The following BPIFA1 variants were observed in gnomAD, a reference collection of about 807,000 sequenced individuals.
BPIFA1 encodes the protein BPI fold-containing family A member 1.
A neutral mutation model predicts 25.1 loss-of-function variants in BPIFA1; 24 were observed. The ratio of observed to expected loss-of-function variants is 0.96; its 90% CI spans 0.69 to 1.35. The LOEUF is 1.35. Among genes scored for constraint, BPIFA1 ranks in the 40% most tolerant of loss-of-function variants. The pLI, the probability that BPIFA1 is intolerant of heterozygous loss-of-function variation, is 0.00. For missense variants in BPIFA1, 344 were observed against 303.7 expected, an observed-to-expected ratio of 1.13 and a Z score of -0.99; for synonymous variants, 139 against 131.8, an observed-to-expected ratio of 1.05 and a Z score of -0.37.
In BPIFA1 at chr20:33,240,689, A is replaced by AG. The variant is rs398071574; in HGVS notation, c.581+304_581+305insG. On this transcript the variant is annotated intron_variant, in intron 5 of 8. Transcript: ENST00000354297. ...TAGATAGATAGATAGATAGATAGAT[A>AG]AAGTAGTACTTATTCCTTCTTAGAC... Among the ~76,000 whole-genome samples, 599 of 135,136 alleles carry AG rather than the reference A, an allele frequency of 4.4e-3. 8 individuals carry two copies. The highest frequency in any genetic ancestry group is 0.022 in the African/African-American group (577 of 25,718). The allele number at this position is 135,136 out of a possible 152,430, so 88.7% of individuals were successfully genotyped here. A position where few individuals can be genotyped will look rare whatever the true frequency, so the allele number is the denominator to read the frequency against.
chr20:33,237,876 G>C lies in BPIFA1; in HGVS notation c.160+5G>C. The C allele has an allele frequency of 2.6e-6, 4 of 1,567,464 alleles. No homozygotes were observed. Among genetic ancestry groups the C allele is most frequent in the Non-Finnish European group, 3.5e-6 (4 of 1,158,134 alleles). ...TTGCAGGAAGCTTGACAAATGGTGA[G>C]TTTTCAGGGGTGTATGTGTGCATGT... On this transcript the variant is annotated splice_donor_5th_base_variant and intron_variant, in intron 2 of 8. Transcript: ENST00000354297.
chr20:33,238,305 C>T, intron 3 of BPIFA1, 91 bp downstream of exon 3: 1 of 1,411,088 alleles, frequency 7.1e-7, no homozygotes, highest in South Asian at 1.4e-5. Context: ...AAGCAGCGAC[C>T]CTGAAGCAGC....
chr20:33,240,823 C>T (rs1978942591), intron 5 of BPIFA1, among the ~76,000 whole-genome samples: 1 of 152,128 alleles, frequency 6.6e-6, no homozygotes, highest in Non-Finnish European at 1.5e-5. Context: ...CTGGGTAGTG[C>T]TTCTCCAATT....
intron 5 of BPIFA1, 34 bp from the exon 6 acceptor site, chr20:33,241,351 G>T: frequency 6.4e-7 from 1 of 1,572,658 alleles, no homozygotes; most frequent in Non-Finnish European, 8.8e-7. Context: ...ACCATCTCCA[G>T]GTCCCTGCAT....
At chr20:33,239,953 G>A in intron 4 of BPIFA1, 43 bp downstream of exon 4, 1 of 1,564,946 alleles carries the variant, frequency 6.4e-7, no homozygotes, top group Non-Finnish European at 8.8e-7. Flanking sequence ...GCTCACCGAG[G>A]GAGACCCTGG....
chr20:33,243,047 A>G (rs1979061028), intron 8 of BPIFA1, 60 bp from the exon 9 acceptor site: 1 of 162,360 alleles, frequency 6.2e-6, no homozygotes, highest in African/African-American at 2.4e-5. Context: ...CTGGGGCATG[A>G]GTTTGATGAT....
At chr20:33,237,577 ACTAGTGACCCC>A in intron 1 of BPIFA1, 109 bp from the exon 2 acceptor site, 2 of 720,648 alleles carry the variant, frequency 2.8e-6, no homozygotes, top group Non-Finnish European at 4.1e-6. Flanking sequence ...ATTAGCTATT[ACTAGTGACCCC>A]CTGGTGTTCT....
In BPIFA1 at chr20:33,240,392, C is replaced by A. The variant is rs746398403; in HGVS notation, c.581+7C>A. The A allele has an allele frequency of 2.5e-6, 4 of 1,613,402 alleles. No homozygotes were observed. Among genetic ancestry groups the A allele is most frequent in the Non-Finnish European group, 8.5e-7 (1 of 1,179,812 alleles). On this transcript the variant is annotated splice_region_variant and intron_variant, in intron 5 of 8. Coordinates refer to ENST00000354297, the MANE Select transcript of BPIFA1 (RefSeq NM_130852.3). The stretch of plus-strand genomic sequence containing the variant: ...AAATTTCTCTGCTTGATGGGTGAGG[C>A]CAGAGGAGCAGCTTATCCTGCCCAG...
chr20:33,236,880 G>A (rs1299770776), intron 1 of BPIFA1, among the ~76,000 whole-genome samples: 1 of 152,022 alleles, frequency 6.6e-6, no homozygotes, highest in Middle Eastern at 3.2e-3. Flanking sequence ...AGACTTTGAT[G>A]GCCCCAGGAA....
rs1280734925 is a variant in BPIFA1, at chr20:33,242,115, T to G, written c.726T>G (p.Ile242Met). Reference sequence around the variant, plus strand: ...TGGACATCACCCTGGTGCATGACATTGTTAGTAAGTACCTGCTTTCAAGCC... The same window carrying G: ...TGGACATCACCCTGGTGCATGACATGGTTAGTAAGTACCTGCTTTCAAGCC... ...RGLDITLVHD[I>M]VNMLIHGLQF... is the part of the protein sequence containing the mutation. The change falls in exon 7 of 9, where the codon ATT becomes ATG. Residue 242 changes from isoleucine to methionine, a missense_variant. Transcript: ENST00000354297. The G allele has an allele frequency of 4.3e-6, 7 of 1,613,898 alleles. No individual in the cohort carries two copies. The highest frequency in any genetic ancestry group is 4.2e-6 in the Non-Finnish European group (5 of 1,179,906).
rs770083139 is a variant in BPIFA1, at chr20:33,237,789, GC to G, written c.82del (p.Leu28TrpfsTer7). On this transcript the variant is annotated frameshift_variant, in exon 2 of 9. Coordinates refer to ENST00000354297, the MANE Select transcript of BPIFA1 (RefSeq NM_130852.3). LOFTEE classifies it high-confidence loss of function. ...TGGCCCAGTTTGGAGGCCTGCCCGT[GC>G]CCCTGGACCAGACCCTGCCCTTGAA... ...TMAQFGGLPVPLDQTLPLNVN... is the reference protein window; with the variant it reads ...TMAQFGGLPVXLDQTLPLNVN... The G allele has an allele frequency of 1.7e-5, 27 of 1,598,624 alleles. No individual in the cohort carries two copies. The highest frequency in any genetic ancestry group is 2.2e-5 in the Non-Finnish European group (26 of 1,172,012).
chr20:33,241,284 G>A (rs1978965146), intron 5 of BPIFA1, 101 bp from the exon 6 acceptor site: 1 of 1,118,576 alleles, frequency 8.9e-7, no homozygotes, highest in South Asian at 1.3e-5. Flanking sequence ...CTCGGCTTTA[G>A]TGACTGAGTG....
In BPIFA1 at chr20:33,241,398, C is replaced by T; in HGVS notation, c.595C>T (p.Pro199Ser). Residue 199 changes from proline (P) to serine (S), a missense_variant, in exon 6 of 9, where the codon CCC (proline) becomes TCC (serine). Pro to Ser is a moderately conservative substitution (Grantham distance 74, BLOSUM62 -1). Coordinates refer to ENST00000354297, the MANE Select transcript of BPIFA1 (RefSeq NM_130852.3). The stretch of plus-strand genomic sequence containing the variant: ...TTTCTCTTTCAGACTTGGCCCCCTC[C>T]CCATTCAAGGTCTTCTGGACAGCCT... ...ISLLDGLGPL[P>S]IQGLLDSLTG... The T allele has an allele frequency of 1.2e-6, 2 of 1,614,014 alleles. No individual in the cohort carries two copies. The highest frequency in any genetic ancestry group is 1.1e-5 in the South Asian group (1 of 91,078).
At chr20:33,239,629 A>G (rs1336202618) in intron 3 of BPIFA1, among the ~76,000 whole-genome samples, 174 bp from the exon 4 acceptor site, 1 of 152,150 alleles carries the variant, frequency 6.6e-6, no homozygotes, top group Non-Finnish European at 1.5e-5. Context: ...GCTGGAAAAG[A>G]CCTAGTGTGT....
intron 2 of BPIFA1, 39 bp from the exon 3 acceptor site, chr20:33,238,016 T>C: frequency 6.3e-7 from 1 of 1,588,620 alleles, no homozygotes; most frequent in East Asian, 2.2e-5. Context: ...TCTGGAATTG[T>C]CAGATCTGAC....
At chr20:33,239,679 C>A (rs1978859979) in intron 3 of BPIFA1, 124 bp from the exon 4 acceptor site, 2 of 925,718 alleles carry the variant, frequency 2.2e-6, no homozygotes, top group Non-Finnish European at 3.5e-6. Flanking sequence ...AGACTCCCCT[C>A]CCATCTCCCT....
chr20:33,241,487 G>T lies in BPIFA1; in HGVS notation c.666+18G>T. On this transcript the variant is annotated intron_variant, in intron 6 of 8. Coordinates refer to ENST00000354297, the MANE Select transcript of BPIFA1 (RefSeq NM_130852.3). ...AGGGCAACGTAAGTAGGCAAGGTGG[G>T]GATCCCCTGATCCTCAGGTTTTAGA... is the stretch of plus-strand genomic sequence containing the variant. 1 of 1,597,606 alleles carries T rather than the reference G, an allele frequency of 6.3e-7. No homozygotes were observed. Among genetic ancestry groups the T allele is most frequent in the Non-Finnish European group, 8.6e-7 (1 of 1,164,940 alleles).
At chr20:33,241,010 C>T (rs182901772) in intron 5 of BPIFA1, among the ~76,000 whole-genome samples, 16 of 152,314 alleles carry the variant, frequency 1.1e-4, no homozygotes, top group South Asian at 6.2e-4. Context: ...AAACCTATTA[C>T]GCAAAAGTTG....
In BPIFA1 at chr20:33,239,723, T is replaced by C. The variant is rs796532794; in HGVS notation, c.321-80T>C. 3.7e-6 allele frequency: 5 copies of C among 1,351,338 alleles called. No homozygotes were observed. The African/African-American group carries it at 7.2e-5, about 19-fold the overall frequency. 83.7% of individuals were successfully genotyped at this position (1,351,338 alleles called of 1,614,324 possible). A position where few individuals can be genotyped will look rare whatever the true frequency, so the allele number is the denominator to read the frequency against. On this transcript the variant is annotated intron_variant, in intron 3 of 8. Coordinates refer to ENST00000354297, the MANE Select transcript of BPIFA1 (RefSeq NM_130852.3). ...TGGGAAGCTCTACCTCTGGGATGGG[T>C]ACTGTTAGGTTAAAGATGGTTTCTG...
Sources: gnomAD v4.1 joint callset for allele counts (sites outside exome capture counted in the v4.1 genomes callset) on GRCh38, gnomAD v4.1.1 for gene constraint, MANE v1.5 for transcripts, NCBI Gene and HGNC (gene_info 2026-07-23, HGNC 2026-07-21) for gene names.